FHIT: variants seen among roughly 807,000 people sequenced by gnomAD.
The protein encoded by FHIT is fragile histidine triad diadenosine triphosphatase, also known as bis(5'-adenosyl)-triphosphatase.
In FHIT, 19 loss-of-function variants were observed where a neutral mutation model predicts 17.9. The observed-to-expected ratio is 1.06, with a 90% CI of 0.74 to 1.56. The LOEUF is 1.56. FHIT is among the 40% of genes most tolerant of loss of function. FHIT has a pLI of 0.00. For synonymous variants in FHIT, 81 were observed against 69.7 expected, an observed-to-expected ratio of 1.16 and a Z score of -0.81; for missense variants, 248 against 189.2, an observed-to-expected ratio of 1.31 and a Z score of -1.82.
intron 5 of FHIT, among the ~76,000 whole-genome samples, chr3:60,478,870 T>C (rs2033472130): frequency 6.6e-6 from 1 of 152,158 alleles, no homozygotes; most frequent in Non-Finnish European, 1.5e-5. Context: ...TCACACCACA[T>C]ATCAAATCCA....
chr3:60,954,022 C>A, intron 3 of FHIT, among the ~76,000 whole-genome samples: 1 of 152,156 alleles, frequency 6.6e-6, no homozygotes, highest in East Asian at 1.9e-4. Context: ...CATCACTGCA[C>A]CCTAATTATG....
intron 8 of FHIT, among the ~76,000 whole-genome samples, chr3:59,854,382 C>CA (rs1193874738): frequency 6.6e-6 from 1 of 151,988 alleles, no homozygotes; most frequent in Admixed American, 6.6e-5. Context: ...GTCGCATGTG[C>CA]AAAAAAACAG....
In FHIT at chr3:60,744,268, C is replaced by CAA. The variant is rs374691493; in HGVS notation, c.-18+77649_-18+77650dup. 7.5e-5 allele frequency among the ~76,000 whole-genome samples: 6 copies of CAA among 80,082 alleles called. 1 individual carries two copies. Among genetic ancestry groups the CAA allele is most frequent in the Admixed American group, 1.4e-4 (1 of 7,230 alleles). 52.5% of individuals were successfully genotyped at this position (80,082 alleles called of 152,430 possible). A position where few individuals can be genotyped will look rare whatever the true frequency, so the allele number is the denominator to read the frequency against. On this transcript the variant is annotated intron_variant, in intron 4 of 9. Coordinates refer to ENST00000492590, the MANE Select transcript of FHIT (RefSeq NM_002012.4). ...ATGTAAAAAAAAAAACAAAACAAAA[C>CAA]AAAAAAAAAAAAAAACAGAAAGAAA...
At chr3:60,462,533 C>T (rs1383428780) in intron 5 of FHIT, among the ~76,000 whole-genome samples, 3 of 152,150 alleles carry the variant, frequency 2.0e-5, no homozygotes, top group African/African-American at 7.2e-5. Context: ...GAGAACACCA[C>T]TGAGGAATTA....
intron 5 of FHIT, chr3:60,535,683 T>TA (rs1323359014): frequency 1.3e-5 from 2 of 152,038 alleles, no homozygotes; most frequent in African/African-American, 4.8e-5. Flanking sequence ...CTTACATATT[T>TA]ACTAGAGTAT....
At chr3:60,034,378 G>T (rs1701125523) in intron 5 of FHIT, among the ~76,000 whole-genome samples, 1 of 152,148 alleles carries the variant, frequency 6.6e-6, no homozygotes, top group Admixed American at 6.5e-5. Context: ...TCCCTTTCAA[G>T]TAGGAGACTA....
chr3:60,384,143 C>A (rs933289484), intron 5 of FHIT, among the ~76,000 whole-genome samples: 1 of 151,904 alleles, frequency 6.6e-6, no homozygotes, highest in Non-Finnish European at 1.5e-5. Context: ...TGCTGCGTGC[C>A]TATAATCCCA....
chr3:60,188,855 T>C (rs1018866685), intron 5 of FHIT, among the ~76,000 whole-genome samples: 1 of 152,302 alleles, frequency 6.6e-6, no homozygotes, highest in East Asian at 1.9e-4. Context: ...ATTTCTGAGC[T>C]GCCTCTCACA....
intron 4 of FHIT, among the ~76,000 whole-genome samples, chr3:60,717,162 G>A (rs1553707009): frequency 6.6e-6 from 1 of 152,146 alleles, no homozygotes; most frequent in African/African-American, 2.4e-5. Context: ...GAAAAAAATG[G>A]GGAGGTGTTG....
intron 3 of FHIT, among the ~76,000 whole-genome samples, chr3:60,939,093 A>G (rs1708309021): frequency 6.6e-6 from 1 of 152,208 alleles, no homozygotes; most frequent in South Asian, 2.1e-4. Flanking sequence ...TACATGGTCC[A>G]ATCTCATATA....
At position 60,015,851 on chromosome 3, in the gene FHIT, T is replaced by C. The variant is rs548208723; in HGVS notation, c.104-1699A>G. 1.3e-3 allele frequency among the ~76,000 whole-genome samples: 159 copies of C among 122,920 alleles called. 1 individual carries two copies. In the Middle Eastern group the frequency reaches 0.025, roughly 19 times the overall value. 80.6% of individuals were successfully genotyped at this position (122,920 alleles called of 152,430 possible). On this transcript the variant is annotated intron_variant, in intron 5 of 9. Transcript: ENST00000492590. ...TAATATCAATGACATCCAAAAATGT[T>C]TTTTTTCAACACCATAAAAAAACTT...
chr3:60,422,299 G>A (rs1223038610), intron 5 of FHIT, among the ~76,000 whole-genome samples: 2 of 152,130 alleles, frequency 1.3e-5, no homozygotes, highest in Non-Finnish European at 2.9e-5. Context: ...AAGCTGTTAG[G>A]TATAAGCAGT....
intron 5 of FHIT, among the ~76,000 whole-genome samples, chr3:60,023,967 C>T (rs1700645519): frequency 6.8e-6 from 1 of 147,596 alleles, no homozygotes; most frequent in Non-Finnish European, 1.5e-5. Context: ...AAATGTAAAC[C>T]ATTAAGAAAA....
At chr3:60,648,366 G>C (rs2039911872) in intron 4 of FHIT, among the ~76,000 whole-genome samples, 1 of 152,130 alleles carries the variant, frequency 6.6e-6, no homozygotes. Flanking sequence ...TTTTCTAACA[G>C]GGTTAACAAC....
At chr3:61,083,975 T>G (rs1414061459) in intron 2 of FHIT, among the ~76,000 whole-genome samples, 3 of 152,220 alleles carry the variant, frequency 2.0e-5, no homozygotes, top group Non-Finnish European at 4.4e-5. Context: ...TGTTTTTTCA[T>G]GTCCTGTTTA....
At chr3:61,064,288 G>C (rs558283340) in intron 2 of FHIT, among the ~76,000 whole-genome samples, 1 of 152,236 alleles carries the variant, frequency 6.6e-6, no homozygotes, top group Admixed American at 6.5e-5. Context: ...CTCCTATCCT[G>C]TGTTGAATGC....
intron 4 of FHIT, among the ~76,000 whole-genome samples, chr3:60,613,036 T>C (rs1388669198): frequency 2.6e-5 from 4 of 152,168 alleles, no homozygotes; most frequent in African/African-American, 9.7e-5. Flanking sequence ...TTAAATAAAA[T>C]AGAAAGGGAT....
intron 8 of FHIT, among the ~76,000 whole-genome samples, chr3:59,853,815 T>C (rs1330236736): frequency 6.6e-6 from 1 of 152,100 alleles, no homozygotes; most frequent in Non-Finnish European, 1.5e-5. Context: ...CTAATTTCCA[T>C]AAACTATCAA....
chr3:60,299,520 G>GA (rs1708359198), intron 5 of FHIT, among the ~76,000 whole-genome samples: 1 of 151,984 alleles, frequency 6.6e-6, no homozygotes, highest in Non-Finnish European at 1.5e-5. Context: ...TTTCAGTATG[G>GA]AAAAAATATG....
Sources: gnomAD v4.1 joint callset for allele counts (sites outside exome capture counted in the v4.1 genomes callset) on GRCh38, gnomAD v4.1.1 for gene constraint, MANE v1.5 for transcripts, NCBI Gene and HGNC (gene_info 2026-07-23, HGNC 2026-07-21) for gene names.